Variants in EXOC6 observed in about 807,000 individuals in gnomAD.
The protein encoded by EXOC6 is exocyst complex component 6, also known as SEC15-like 1.
EXOC6 carries 60 observed loss-of-function variants against 112.5 expected under a neutral mutation model. The ratio of observed to expected loss-of-function variants is 0.53; its 90% CI spans 0.43 to 0.66. The LOEUF (loss-of-function observed/expected upper bound fraction) is 0.66. Ranked by LOEUF, EXOC6 falls within the 30% of genes least tolerant of loss-of-function variation. The pLI is 0.00. For missense variants in EXOC6, 855 were observed against 957.1 expected, an observed-to-expected ratio of 0.89 and a Z score of 1.41; for synonymous variants, 295 against 308.0, an observed-to-expected ratio of 0.96 and a Z score of 0.44.
Position 92,848,522 on chromosome 10 carries a change from C to T in EXOC6, c.-12C>T, listed in dbSNP as rs756694765. ...GCGCCGCGCCTCGCTGGCTCCTCAG[C>T]TTCCAGCCAAAATGGCGGAGAACAG... On this transcript the variant is annotated 5_prime_UTR_variant, in exon 1 of 22. Transcript: ENST00000260762. 2 of 1,379,172 alleles carry T rather than the reference C, an allele frequency of 1.5e-6. No individual in the cohort carries two copies. Among genetic ancestry groups the T allele is most frequent in the Non-Finnish European group, 1.9e-6 (2 of 1,043,806 alleles). The allele number at this position is 1,379,172 out of a possible 1,614,324, so 85.4% of individuals were successfully genotyped here. A position where few individuals can be genotyped will look rare whatever the true frequency, so the allele number is the denominator to read the frequency against.
At chr10:92,867,276 G>A (rs764875128) in intron 1 of EXOC6, among the ~76,000 whole-genome samples, 4 of 152,086 alleles carry the variant, frequency 2.6e-5, no homozygotes, top group African/African-American at 7.2e-5. Flanking sequence ...TCTATCATCC[G>A]TCTATAAGGA....
At chr10:93,002,252 A>T (rs1683047819) in intron 19 of EXOC6, among the ~76,000 whole-genome samples, 1 of 152,172 alleles carries the variant, frequency 6.6e-6, no homozygotes, top group Non-Finnish European at 1.5e-5. Flanking sequence ...GATGTGTTCC[A>T]TAGCTAGCCT....
chr10:92,929,083 G>A (rs1403998831), intron 9 of EXOC6, among the ~76,000 whole-genome samples: 1 of 152,210 alleles, frequency 6.6e-6, no homozygotes, highest in Admixed American at 6.5e-5. Context: ...AGAGGGCTAA[G>A]CCCAGAGCCC....
At chr10:92,990,585 A>G (rs1790627833) in intron 18 of EXOC6, among the ~76,000 whole-genome samples, 2 of 152,208 alleles carry the variant, frequency 1.3e-5, no homozygotes, top group South Asian at 4.1e-4. Flanking sequence ...AAGCAAAGCC[A>G]CGTTGTGTTA....
At chr10:92,994,764 CAATAAT>C (rs201352845) in intron 18 of EXOC6, among the ~76,000 whole-genome samples, 8 of 150,640 alleles carry the variant, frequency 5.3e-5, no homozygotes, top group South Asian at 4.2e-4. Context: ...TTAAAGGCAT[CAATAAT>C]AATAATAATA....
intron 14 of EXOC6, among the ~76,000 whole-genome samples, chr10:92,948,841 AG>A (rs1190032494): frequency 6.6e-6 from 1 of 152,224 alleles, no homozygotes; most frequent in Non-Finnish European, 1.5e-5. Context: ...TTTTACAAAA[AG>A]TTTATATTGG....
At chr10:93,005,667 AT>A (rs901415530) in intron 19 of EXOC6, among the ~76,000 whole-genome samples, 1 of 152,180 alleles carries the variant, frequency 6.6e-6, no homozygotes, top group East Asian at 1.9e-4. Flanking sequence ...TCTAGAATAC[AT>A]TTTTAAATTC....
At chr10:92,902,248 G>A (rs187344835) in intron 5 of EXOC6, among the ~76,000 whole-genome samples, 223 of 152,162 alleles carry the variant, frequency 1.5e-3, no homozygotes, top group Non-Finnish European at 2.3e-3. Context: ...TTTTAATCTG[G>A]AAATTATCCT....
chr10:92,937,567 T>A (rs1274411524), intron 12 of EXOC6, among the ~76,000 whole-genome samples: 1 of 152,182 alleles, frequency 6.6e-6, no homozygotes, highest in Non-Finnish European at 1.5e-5. Flanking sequence ...ATCACTCATG[T>A]CTATTATATA....
intron 9 of EXOC6, among the ~76,000 whole-genome samples, chr10:92,929,160 C>T (rs926685704): frequency 1.3e-5 from 2 of 152,136 alleles, no homozygotes; most frequent in Non-Finnish European, 2.9e-5. Context: ...GATTTAAAGC[C>T]CCATTATTAG....
chr10:92,973,979 T>A, intron 17 of EXOC6, 74 bp from the exon 18 acceptor site: 1 of 1,202,650 alleles, frequency 8.3e-7, no homozygotes, highest in Non-Finnish European at 1.1e-6. Context: ...AAATGTAAAA[T>A]AATATCTAGA....
chr10:92,842,744 G>A (rs1351242792), intron 1 of EXOC6, among the ~76,000 whole-genome samples: 1 of 152,008 alleles, frequency 6.6e-6, no homozygotes, highest in African/African-American at 2.4e-5. Context: ...GAAGGAAAGA[G>A]AGAATGGAAC....
rs563955356 is a variant in EXOC6 at position 92,834,829 on chromosome 10, G to C, written c.86+5G>C. 1.3e-5 allele frequency: 21 copies of C among 1,564,458 alleles called. 1 individual carries two copies. The South Asian group carries it at 2.3e-4, about 17-fold the overall frequency. On this transcript the variant is annotated splice_donor_5th_base_variant and intron_variant, in intron 1 of 21. Coordinates refer to the EXOC6 transcript ENST00000371552. Reference sequence around the variant, plus strand: ...GCCTGTTGAAGCTACTTTAAGGTAGGGCACCGTTGCATTTTATTGTGTCTT... The same window carrying C: ...GCCTGTTGAAGCTACTTTAAGGTAGCGCACCGTTGCATTTTATTGTGTCTT...
chr10:92,908,871 G>C (rs530548977), intron 5 of EXOC6, among the ~76,000 whole-genome samples: 1 of 152,216 alleles, frequency 6.6e-6, no homozygotes, highest in South Asian at 2.1e-4. Flanking sequence ...TTGTTGAATT[G>C]AAAAAGCACT....
At chr10:92,836,928 CT>C (rs1260215182) in intron 1 of EXOC6, among the ~76,000 whole-genome samples, 4 of 152,228 alleles carry the variant, frequency 2.6e-5, no homozygotes, top group South Asian at 4.2e-4. Flanking sequence ...TTCTTTCTGC[CT>C]GCTAAAACCC....
intron 20 of EXOC6, among the ~76,000 whole-genome samples, chr10:93,055,268 A>T (rs1375458368): frequency 6.6e-6 from 1 of 152,260 alleles, no homozygotes; most frequent in African/African-American, 2.4e-5. Context: ...CTTTGTAAAC[A>T]TTAATTTTAA....
intron 20 of EXOC6, among the ~76,000 whole-genome samples, chr10:93,025,551 A>G (rs907572298): frequency 6.6e-6 from 1 of 152,234 alleles, no homozygotes; most frequent in Non-Finnish European, 1.5e-5. Context: ...ATCCTATGCC[A>G]CAATAATAAT....
At chr10:93,037,682 C>T (rs1348365997) in intron 20 of EXOC6, among the ~76,000 whole-genome samples, 3 of 151,740 alleles carry the variant, frequency 2.0e-5, no homozygotes, top group Non-Finnish European at 2.9e-5. Context: ...TCAGGTGATC[C>T]GCCTGCCTTA....
At chr10:92,893,664 T>A (rs1248811741) in intron 2 of EXOC6, 144 bp downstream of exon 2, 5 of 626,702 alleles carry the variant, frequency 8.0e-6, no homozygotes, top group Non-Finnish European at 1.3e-5. Flanking sequence ...CTCTTTATGC[T>A]CTATTAACAC....
Sources: gnomAD v4.1 joint callset for allele counts (sites outside exome capture counted in the v4.1 genomes callset) on GRCh38, gnomAD v4.1.1 for gene constraint, MANE v1.5 for transcripts, NCBI Gene and HGNC (gene_info 2026-07-23, HGNC 2026-07-21) for gene names.